The following GGA2 variants were observed in gnomAD, a reference collection of about 807,000 sequenced individuals.
GGA2 encodes the protein golgi associated, gamma adaptin ear containing, ARF binding protein 2, also known as ADP-ribosylation factor-binding protein GGA2.
GGA2 carries 48 observed loss-of-function variants against 79.5 expected under a neutral mutation model. The observed-to-expected ratio is 0.60, with a 90% CI of 0.48 to 0.77. The LOEUF is 0.77. GGA2 is among the 30% of genes least tolerant of loss of function. The pLI is 0.00. For missense variants in GGA2, 770 were observed against 774.0 expected, an observed-to-expected ratio of 0.99 and a Z score of 0.06; for synonymous variants, 317 against 302.0, an observed-to-expected ratio of 1.05 and a Z score of -0.51.
intron 1 of GGA2, among the ~76,000 whole-genome samples, chr16:23,503,978 G>A (rs1964947371): frequency 6.6e-6 from 1 of 152,112 alleles, no homozygotes; most frequent in Non-Finnish European, 1.5e-5. Context: ...CTACTTGAGA[G>A]GCTAAAGCAG....
Position 23,519,932 on chromosome 16 carries a change from T to C in GGA2, c.9-293A>G, listed in dbSNP as rs557942050. Reference sequence around the variant, plus strand: ...TGATAGTTACCTAACATTTATTAAATGCCATGTAATGTTCTAAGAACTTCA... The same window carrying C: ...TGATAGTTACCTAACATTTATTAAACGCCATGTAATGTTCTAAGAACTTCA... On this transcript the variant is annotated intron_variant, in intron 1 of 5. Coordinates refer to the GGA2 transcript ENST00000569300. Among the ~76,000 whole-genome samples, 4 of 152,344 alleles carry C rather than the reference T, an allele frequency of 2.6e-5. No homozygotes were observed. The South Asian group carries it at 8.3e-4, about 32-fold the overall frequency.
chr16:23,473,458 T>G (rs1964540287), intron 14 of GGA2, among the ~76,000 whole-genome samples: 1 of 146,398 alleles, frequency 6.8e-6, no homozygotes, highest in Admixed American at 7.1e-5. Context: ...AGGCTCAGGC[T>G]CCTGAGTAGC....
Position 23,469,015 on chromosome 16 carries a change from C to A in GGA2, c.1621-19G>T. On this transcript the variant is annotated intron_variant, in intron 15 of 16. Coordinates refer to ENST00000309859, the MANE Select transcript of GGA2 (RefSeq NM_015044.4). ...TCATTGACTATCAGGGGAAGAAAACCAACATGTAACTCATTCCTAACCACA... is the reference window on the plus strand; with the variant it reads ...TCATTGACTATCAGGGGAAGAAAACAAACATGTAACTCATTCCTAACCACA... The A allele has an allele frequency of 7.1e-7, 1 of 1,407,232 alleles. No individual in the cohort carries two copies. Among genetic ancestry groups the A allele is most frequent in the Non-Finnish European group, 1.0e-6 (1 of 991,208 alleles). The allele number at this position is 1,407,232 out of a possible 1,614,324, so 87.2% of individuals were successfully genotyped here.
exon 1 of GGA2, chr16:23,521,992 A>G: frequency 3.3e-6 from 1 of 300,442 alleles, no homozygotes; most frequent in Non-Finnish European, 6.7e-6. Context: ...TCTGTAACAG[A>G]AAAAAAAAAT....
At position 23,485,616 on chromosome 16, in the gene GGA2, G is replaced by A. The variant is rs555402569; in HGVS notation, c.798+399C>T. On this transcript the variant is annotated intron_variant, in intron 8 of 16. Transcript: ENST00000309859. The stretch of plus-strand genomic sequence containing the variant: ...ACAATCACCCAAAGCTGGAAACAAC[G>A]CAAGGCCCATCAACAGGTACATGCT... 1.6e-3 allele frequency among the ~76,000 whole-genome samples: 240 copies of A among 152,262 alleles called. 2 individuals are homozygous for A. Among genetic ancestry groups the A allele is most frequent in the South Asian group, 9.1e-3 (44 of 4,830 alleles).
rs546793196 is a variant in GGA2 at position 23,465,423 on chromosome 16, T to C, written c.*2167A>G. Reference sequence around the variant, plus strand: ...CCTGCCTCCTCTCCTCCTACCCCTATCCTGTCCAACACCTAAGCATAGTAG... The same window carrying C: ...CCTGCCTCCTCTCCTCCTACCCCTACCCTGTCCAACACCTAAGCATAGTAG... On this transcript the variant is annotated 3_prime_UTR_variant, in exon 17 of 17. Transcript: ENST00000309859. 8.5e-6 allele frequency: 6 copies of C among 702,824 alleles called. No homozygotes were observed. The highest frequency in any genetic ancestry group is 1.6e-5 in the Non-Finnish European group (6 of 384,818). 43.5% of individuals were successfully genotyped at this position (702,824 alleles called of 1,614,324 possible).
chr16:23,513,828 GAAAAA>G (rs888104495), upstream of GGA2, among the ~76,000 whole-genome samples: 2 of 145,052 alleles, frequency 1.4e-5, no homozygotes, highest in African/African-American at 5.1e-5. Context: ...GAAAAGAAAA[GAAAAA>G]AAAAGCAATT....
In GGA2 at chr16:23,510,391, C is replaced by A; in HGVS notation, c.21G>T (p.Ala7=). MAATAV[A]AAVAGTESAQ... ...CCGACTCGGTTCCCGCCACAGCCGC[C>A]GCCACCGCGGTCGCCGCCATCGCTC... Residue 7 remains alanine (A), a synonymous_variant, in exon 1 of 17, where the codon GCG becomes GCT. Coordinates refer to ENST00000309859, the MANE Select transcript of GGA2 (RefSeq NM_015044.4). The A allele has an allele frequency of 7.1e-7, 1 of 1,398,736 alleles. No individual in the cohort carries two copies. The highest frequency in any genetic ancestry group is 1.5e-5 in the South Asian group (1 of 67,056). The allele number at this position is 1,398,736 out of a possible 1,614,324, so 86.6% of individuals were successfully genotyped here. A position where few individuals can be genotyped will look rare whatever the true frequency, so the allele number is the denominator to read the frequency against.
intron 14 of GGA2, among the ~76,000 whole-genome samples, chr16:23,470,431 C>T (rs1353650398): frequency 6.6e-6 from 1 of 152,048 alleles, no homozygotes; most frequent in African/African-American, 2.4e-5. Context: ...GAGGAAGATA[C>T]GATCATTATT....
At chr16:23,499,429 C>T (rs1964895381) in intron 1 of GGA2, among the ~76,000 whole-genome samples, 1 of 152,082 alleles carries the variant, frequency 6.6e-6, no homozygotes, top group Non-Finnish European at 1.5e-5. Context: ...CAGGTGTGAG[C>T]TACCACACCC....
In GGA2 at chr16:23,493,431, C is replaced by T. The variant is rs779762062; in HGVS notation, c.280G>A (p.Gly94Arg). ...TVLEMCMNHC[G>R]EKFHSEVAKF... ...GCCACCTCGCTGTGGAACTTCTCCC[C>T]ACAGTGGTTCATGCACATCTCCAGC... Residue 94 changes from glycine (G) to arginine (R), a missense_variant, in exon 4 of 17, where the codon GGG (glycine) becomes AGG (arginine). Physicochemically the swap from Gly to Arg is moderately radical, Grantham distance 125. Coordinates refer to ENST00000309859, the MANE Select transcript of GGA2 (RefSeq NM_015044.4). The T allele has an allele frequency of 5.0e-6, 8 of 1,612,060 alleles. No individual in the cohort carries two copies. Among genetic ancestry groups the T allele is most frequent in the Non-Finnish European group, 6.8e-6 (8 of 1,178,160 alleles).
chr16:23,520,242 A>T (rs765570000), intron 1 of GGA2, among the ~76,000 whole-genome samples: 1 of 139,196 alleles, frequency 7.2e-6, no homozygotes, highest in Non-Finnish European at 1.6e-5. Flanking sequence ...AACAAGAGTG[A>T]AACTACGTCT....
At chr16:23,473,838 T>C (rs1396296578) in intron 14 of GGA2, among the ~76,000 whole-genome samples, 1 of 152,184 alleles carries the variant, frequency 6.6e-6, no homozygotes, top group African/African-American at 2.4e-5. Flanking sequence ...ACATTGAACA[T>C]GTATTATTTC....
At position 23,465,362 on chromosome 16, in the gene GGA2, T is replaced by C. The variant is rs191432670; in HGVS notation, c.*2228A>G. 2.8e-6 allele frequency: 2 copies of C among 702,746 alleles called. No individual in the cohort carries two copies. The highest frequency in any genetic ancestry group is 2.7e-5 in the East Asian group (1 of 37,284). 43.5% of individuals were successfully genotyped at this position (702,746 alleles called of 1,614,324 possible). On this transcript the variant is annotated 3_prime_UTR_variant, in exon 17 of 17. Transcript: ENST00000309859. ...ACTGGACTTGCTGATTAGAAGGGAG[T>C]GATGCCATAAACCACAGCCACTTTC...
intron 11 of GGA2, 61 bp downstream of exon 11, chr16:23,479,703 AC>A: frequency 3.1e-6 from 5 of 1,591,646 alleles, no homozygotes; most frequent in South Asian, 1.1e-5. Flanking sequence ...CGCGAAGGGA[AC>A]CAGCTCACTC....
At chr16:23,493,684 C>T (rs1171740178) in intron 3 of GGA2, 6 of 513,076 alleles carry the variant, frequency 1.2e-5, no homozygotes, top group Admixed American at 6.5e-5. Context: ...CAGGAAATAG[C>T]TTAGTGAGGT....
Position 23,480,765 on chromosome 16 carries a change from T to C in GGA2, c.886A>G (p.Ile296Val). 3.7e-6 allele frequency: 6 copies of C among 1,608,208 alleles called. No homozygotes were observed. The highest frequency in any genetic ancestry group is 5.1e-6 in the Non-Finnish European group (6 of 1,175,020). Residue 296 changes from isoleucine to valine, a missense_variant, in exon 10 of 17, where the codon ATT (isoleucine) becomes GTT (valine). Physicochemically the swap from Ile to Val is conservative, Grantham distance 29. Coordinates refer to ENST00000309859, the MANE Select transcript of GGA2 (RefSeq NM_015044.4). ...GTGAGGAGGTCATTTGCCTGGAGAA[T>C]TTCCGCTGAAGAATGAGGGAAGACT... ...TTDDDDALAE[I>V]LQANDLLTQG...
At position 23,493,230 on chromosome 16, in the gene GGA2, A is replaced by C. The variant is rs185802281; in HGVS notation, c.351+130T>G. 729 of 654,302 alleles carry C rather than the reference A, an allele frequency of 1.1e-3. 5 individuals are homozygous for C. Among genetic ancestry groups the C allele is most frequent in the Non-Finnish European group, 1.1e-4 (40 of 353,754 alleles). 40.5% of individuals were successfully genotyped at this position (654,302 alleles called of 1,614,324 possible). A position where few individuals can be genotyped will look rare whatever the true frequency, so the allele number is the denominator to read the frequency against. ...CCTCTTCCTAGAGCTTGGAGAGGAG[A>C]GCGCTTCTTTCACAGGCAGGAGCAG... On this transcript the variant is annotated intron_variant, in intron 4 of 16. Transcript: ENST00000309859.
intron 1 of GGA2, among the ~76,000 whole-genome samples, chr16:23,520,305 C>A (rs1318915965): frequency 6.8e-6 from 1 of 146,936 alleles, no homozygotes; most frequent in African/African-American, 2.5e-5. Flanking sequence ...CCAATCCTTA[C>A]AACTCTTTGA....
Sources: allele counts gnomAD v4.1 joint callset (sites outside exome capture counted in the v4.1 genomes callset), GRCh38; gene constraint gnomAD v4.1.1; transcripts MANE v1.5; gene names NCBI Gene and HGNC (gene_info 2026-07-23, HGNC 2026-07-21).